PGAP1: variants seen among roughly 807,000 people sequenced by gnomAD.
PGAP1 encodes the protein GPI inositol-deacylase.
Under a neutral mutation model 127.0 loss-of-function variants are expected in PGAP1, and 76 were observed. That is an observed-to-expected ratio of 0.60 (90% CI 0.50 to 0.72). PGAP1 has a LOEUF of 0.72. PGAP1 is among the 30% of genes least tolerant of loss of function. The pLI is 0.00. For missense variants in PGAP1, 982 were observed against 1,071.3 expected (o/e 0.92, Z 1.16); for synonymous variants, 362 against 366.5 (o/e 0.99, Z 0.14).
intron 13 of PGAP1, among the ~76,000 whole-genome samples, chr2:196,878,290 T>C (rs1701626145): frequency 6.6e-6 from 1 of 152,156 alleles, no homozygotes; most frequent in Non-Finnish European, 1.5e-5. Context: ...TCATTTATGT[T>C]TCATACATAT....
chr2:196,885,351 G>T, intron 12 of PGAP1, 73 bp downstream of exon 12: 2 of 961,954 alleles, frequency 2.1e-6, no homozygotes, highest in Non-Finnish European at 3.1e-6. Context: ...TAATGAAAGA[G>T]AATATTTTAA....
At chr2:196,876,773 AT>A (rs1470095931) in intron 13 of PGAP1, among the ~76,000 whole-genome samples, 1 of 152,074 alleles carries the variant, frequency 6.6e-6, no homozygotes, top group African/African-American at 2.4e-5. Context: ...TCTTGGGTAG[AT>A]TTTTGATTGT....
At chr2:196,894,912 T>C (rs1217154122) in intron 7 of PGAP1, among the ~76,000 whole-genome samples, 1 of 152,212 alleles carries the variant, frequency 6.6e-6, no homozygotes, top group African/African-American at 2.4e-5. Context: ...ATGACTTTTA[T>C]GCTAATAACC....
chr2:196,880,303 T>A (rs1292776413), intron 12 of PGAP1, 150 bp from the exon 13 acceptor site: 2 of 505,466 alleles, frequency 4.0e-6, no homozygotes, highest in Non-Finnish European at 6.8e-6. Context: ...TGCCCATGTT[T>A]ACATTTCCAG....
intron 1 of PGAP1, among the ~76,000 whole-genome samples, chr2:196,920,360 T>C (rs1474235058): frequency 1.3e-5 from 2 of 152,142 alleles, no homozygotes; most frequent in Non-Finnish European, 2.9e-5. Context: ...TTGAACCATG[T>C]AGTCTTTAGG....
chr2:196,846,446 C>T (rs1375572993), intron 22 of PGAP1, among the ~76,000 whole-genome samples: 2 of 152,092 alleles, frequency 1.3e-5, no homozygotes, highest in African/African-American at 4.8e-5. Flanking sequence ...GCATCACACC[C>T]ACCATAATCC....
chr2:196,841,408 G>T, intron 26 of PGAP1, 36 bp from the exon 27 acceptor site: 1 of 1,541,932 alleles, frequency 6.5e-7, no homozygotes, highest in African/African-American at 1.4e-5. Flanking sequence ...TTACTTATGT[G>T]AACTACATTG....
At chr2:196,841,945 G>A (rs1351713211) in intron 26 of PGAP1, among the ~76,000 whole-genome samples, 1 of 151,620 alleles carries the variant, frequency 6.6e-6, no homozygotes, top group Non-Finnish European at 1.5e-5. Context: ...ATACTAGTTG[G>A]ACTTTTATTC....
chr2:196,915,944 C>G (rs1284074282), intron 3 of PGAP1, among the ~76,000 whole-genome samples: 2 of 152,194 alleles, frequency 1.3e-5, no homozygotes, highest in African/African-American at 4.8e-5. Flanking sequence ...GCCCCATAGT[C>G]TGGAAAACGC....
chr2:196,890,902 T>C lies in PGAP1; in HGVS notation c.1099A>G (p.Lys367Glu). The C allele has an allele frequency of 6.7e-7, 1 of 1,494,336 alleles. No homozygotes were observed. The highest frequency in any genetic ancestry group is 9.3e-7 in the Non-Finnish European group (1 of 1,072,134). 92.6% of individuals were successfully genotyped at this position (1,494,336 alleles called of 1,614,324 possible). ...WTYVAYNESE[K>E]IYFTFPLENH... Reference sequence around the variant, plus strand: ...TCAAGAGGAAATGTAAAATATATCTTCTCAGATTCCTACAAAAAGAAGGAA... The same window carrying C: ...TCAAGAGGAAATGTAAAATATATCTCCTCAGATTCCTACAAAAAGAAGGAA... The change falls in exon 10 of 27, where the codon AAG (lysine) becomes GAG (glutamate). Residue 367 changes from lysine to glutamate, a missense_variant. Physicochemically the swap from Lys to Glu is moderately conservative, Grantham distance 56. Transcript: ENST00000354764.
intron 13 of PGAP1, among the ~76,000 whole-genome samples, chr2:196,876,539 C>T (rs1169857804): frequency 1.3e-5 from 2 of 152,060 alleles, no homozygotes; most frequent in Non-Finnish European, 2.9e-5. Flanking sequence ...TCTCACTTAT[C>T]TGCAAGAACT....
In PGAP1 at chr2:196,883,734, A is replaced by G. The variant is rs1395171024; in HGVS notation, c.1272+1690T>C. Among the ~76,000 whole-genome samples the G allele has an allele frequency of 3.3e-5, 5 of 152,252 alleles. No homozygotes were observed. In the East Asian group the frequency reaches 9.6e-4, roughly 29 times the overall value. On this transcript the variant is annotated intron_variant, in intron 12 of 26. Transcript: ENST00000354764. ...TTACTTTTATTGAGATATTAATATG[A>G]ATAAAATTTATAAAATGTATTTGCT...
intron 20 of PGAP1, among the ~76,000 whole-genome samples, chr2:196,851,482 T>C (rs111427798): frequency 1.6e-4 from 24 of 152,318 alleles, no homozygotes; most frequent in African/African-American, 5.3e-4. Context: ...TTTACCTTCC[T>C]GAATATGCAA....
chr2:196,861,633 T>G (rs754042501), intron 20 of PGAP1, among the ~76,000 whole-genome samples: 1 of 152,098 alleles, frequency 6.6e-6, no homozygotes, highest in Admixed American at 6.6e-5. Flanking sequence ...GTCAGGAGTT[T>G]GAGACCAGCC....
rs745913420 is a variant in PGAP1, at chr2:196,926,629, A to ACCGCCG, written c.-19_-14dup. 2.6e-4 allele frequency: 414 copies of ACCGCCG among 1,607,612 alleles called. 1 individual carries two copies. In the East Asian group the frequency reaches 4.7e-3, roughly 18 times the overall value. On this transcript the variant is annotated 5_prime_UTR_variant, in exon 1 of 27. Coordinates refer to ENST00000354764, the MANE Select transcript of PGAP1 (RefSeq NM_024989.4). The stretch of plus-strand genomic sequence containing the variant: ...AGTGAAGAAACATGGTGCCGCCACC[A>ACCGCCG]CCGCCGCCGCCGCCGCCGCCCCCTC...
At chr2:196,858,566 A>G (rs1364155846) in intron 20 of PGAP1, among the ~76,000 whole-genome samples, 2 of 152,162 alleles carry the variant, frequency 1.3e-5, no homozygotes, top group Non-Finnish European at 2.9e-5. Context: ...TACATGCCTA[A>G]ATCCAAAAAG....
intron 21 of PGAP1, 174 bp downstream of exon 21, chr2:196,847,773 G>T (rs1309153151): frequency 1.8e-5 from 8 of 450,534 alleles, no homozygotes; most frequent in Non-Finnish European, 3.1e-5. Context: ...TGATACTATT[G>T]AAGTAGACAT....
intron 12 of PGAP1, among the ~76,000 whole-genome samples, chr2:196,883,434 A>G (rs935641892): frequency 3.9e-5 from 6 of 152,240 alleles, no homozygotes; most frequent in African/African-American, 1.4e-4. Context: ...TGACAGACTC[A>G]TATGTTCTAA....
chr2:196,877,165 G>C (rs1701593921), intron 13 of PGAP1, among the ~76,000 whole-genome samples: 1 of 151,842 alleles, frequency 6.6e-6, no homozygotes, highest in Non-Finnish European at 1.5e-5. Context: ...AAATTCAAAG[G>C]CCTGTCTCTG....
Sources: gnomAD v4.1 joint callset for allele counts (sites outside exome capture counted in the v4.1 genomes callset) on GRCh38, gnomAD v4.1.1 for gene constraint, MANE v1.5 for transcripts, NCBI Gene and HGNC (gene_info 2026-07-23, HGNC 2026-07-21) for gene names.